The following RNF126 variants were observed in gnomAD, a reference collection of about 807,000 sequenced individuals.
RNF126 encodes ring finger protein 126, also known as E3 ubiquitin-protein ligase RNF126.
Under a neutral mutation model 41.9 loss-of-function variants are expected in RNF126, and 20 were observed. The observed-to-expected ratio is 0.48, with a 90% CI of 0.34 to 0.69. RNF126 has a LOEUF of 0.69. Among genes scored for constraint, RNF126 ranks in the 30% least tolerant of loss-of-function variants. The probability of loss-of-function intolerance (pLI) is 0.01; values close to 1 mark genes in which losing one functional copy is unlikely to be tolerated. For synonymous variants in RNF126, 239 were observed against 202.9 expected (o/e 1.18, Z -1.51); for missense variants, 433 against 460.6 (o/e 0.94, Z 0.55).
rs777555199 is a variant in RNF126 at position 651,608 on chromosome 19, C to T, written c.443+3G>A. The T allele has an allele frequency of 2.8e-6, 4 of 1,423,622 alleles. No homozygotes were observed. The highest frequency in any genetic ancestry group is 5.4e-5 in the East Asian group (2 of 36,822). 88.2% of individuals were successfully genotyped at this position (1,423,622 alleles called of 1,614,324 possible). Reference sequence around the variant, plus strand: ...CTCGCGGCCACCCCCGGGGCCCCCTCACCCTTCCAGCGTGGGGACGCCTTC... The same window carrying T: ...CTCGCGGCCACCCCCGGGGCCCCCTTACCCTTCCAGCGTGGGGACGCCTTC... On this transcript the variant is annotated splice_donor_region_variant and intron_variant, in intron 4 of 8. Transcript: ENST00000292363.
intron 4 of RNF126, 151 bp downstream of exon 4, chr19:651,460 T>G: frequency 1.4e-6 from 1 of 690,970 alleles, no homozygotes. Context: ...GTGTGGGGAG[T>G]CACAGGGGGC....
chr19:650,793 A>C (rs887578147), intron 4 of RNF126, among the ~76,000 whole-genome samples: 6 of 151,716 alleles, frequency 4.0e-5, no homozygotes, highest in Admixed American at 3.3e-4. Context: ...GAGTTTCATC[A>C]TATTGGTCAG....
intron 1 of RNF126, among the ~76,000 whole-genome samples, chr19:662,705 G>C (rs1227289450): frequency 6.6e-6 from 1 of 152,096 alleles, no homozygotes; most frequent in Non-Finnish European, 1.5e-5. Flanking sequence ...TGCAAAACCA[G>C]GCTCACCGGG....
chr19:659,947 T>C lies in RNF126; in HGVS notation c.75+3100A>G, dbSNP rs961243110. ...CCTGGCCAATCTTTTGTATTTTTAG[T>C]AGGGATGGGGTTTTACCATGTTAGC... On this transcript the variant is annotated intron_variant, in intron 1 of 8. Coordinates refer to ENST00000292363, the MANE Select transcript of RNF126 (RefSeq NM_194460.3). The surrounding 1 kb of genome is among the most constrained non-coding windows in gnomAD (Gnocchi z 4.9). Among the ~76,000 whole-genome samples the C allele has an allele frequency of 6.6e-6, 1 of 152,086 alleles. No homozygotes were observed. Among genetic ancestry groups the C allele is most frequent in the Non-Finnish European group, 1.5e-5 (1 of 68,004 alleles).
intron 2 of RNF126, 176 bp downstream of exon 2, chr19:652,650 A>G (rs1034544443): frequency 7.8e-6 from 5 of 639,392 alleles, no homozygotes; most frequent in Admixed American, 2.9e-5. Context: ...CGGCCCGGCC[A>G]TCACAGAAGA....
intron 4 of RNF126, 122 bp from the exon 5 acceptor site, chr19:650,418 AT>A: frequency 1.3e-6 from 1 of 784,680 alleles, no homozygotes; most frequent in Non-Finnish European, 2.0e-6. Context: ...ATTAGCTTCT[AT>A]TTATTTATTT....
chr19:650,319 C>T (rs373118509), intron 4 of RNF126, 23 bp from the exon 5 acceptor site: 70 of 1,565,366 alleles, frequency 4.5e-5, no homozygotes, highest in African/African-American at 1.2e-4. Context: ...GCGCCAGTCA[C>T]GGGGTGAGGC....
rs775725270 is a variant in RNF126 at position 651,739 on chromosome 19, G to A, written c.315C>T (p.Gly105=). The A allele has an allele frequency of 1.2e-6, 2 of 1,612,306 alleles. No individual in the cohort carries two copies. Among genetic ancestry groups the A allele is most frequent in the East Asian group, 2.2e-5 (1 of 44,824 alleles). The change falls in exon 4 of 9, where the codon GGC becomes GGT. Residue 105 remains glycine, a synonymous_variant. Coordinates refer to ENST00000292363, the MANE Select transcript of RNF126 (RefSeq NM_194460.3). The stretch of plus-strand genomic sequence containing the variant: ...TCTCCCGCCGGCTCTCAGGGTCCCT[G>A]CCGTCGTCAGCCTGCGCCCCAGGAG... ...TFPPGAQADD[G]RDPESRRERD... is the part of the protein sequence containing the mutation.
At chr19:658,115 T>C (rs1400382858) in intron 1 of RNF126, among the ~76,000 whole-genome samples, 3 of 151,542 alleles carry the variant, frequency 2.0e-5, no homozygotes, top group African/African-American at 7.3e-5. Flanking sequence ...ATGCAGGAGG[T>C]ACGATCACCC....
At position 652,258 on chromosome 19, in the gene RNF126, G is replaced by C. The variant is rs904816485; in HGVS notation, c.173C>G (p.Thr58Arg). The C allele has an allele frequency of 2.4e-5, 37 of 1,550,146 alleles. No homozygotes were observed. The highest frequency in any genetic ancestry group is 3.1e-5 in the Non-Finnish European group (36 of 1,158,084). Reference sequence around the variant, plus strand: ...CTCCAACGGTGGCCGGCTCTGGTCTGTGGGAGCTGTGGAGGGGGCAGAACC... The same window carrying C: ...CTCCAACGGTGGCCGGCTCTGGTCTCTGGGAGCTGTGGAGGGGGCAGAACC... ...ENGSAPSTAP[T>R]DQSRPPLEHV... The change falls in exon 3 of 9, where the codon ACA becomes AGA. Residue 58 changes from threonine to arginine, a missense_variant. This residue lies in a region of RNF126 where 247 missense variants were observed against 224.7 expected (regional missense o/e 1.10). Coordinates refer to ENST00000292363, the MANE Select transcript of RNF126 (RefSeq NM_194460.3).
At chr19:654,499 C>T (rs144653786) in intron 1 of RNF126, among the ~76,000 whole-genome samples, 1,832 of 150,476 alleles carry the variant, frequency 0.012, 21 homozygotes, top group Non-Finnish European at 0.018. Context: ...AAAAATTAGC[C>T]GGGTGTGGTG....
Position 648,359 on chromosome 19 carries a change from G to GC in RNF126, c.786+12dup. On this transcript the variant is annotated intron_variant, in intron 8 of 8. Transcript: ENST00000292363. ...GCGGTCGGGGTGGGGGGGCGGGTGGGCGGGGCACTCACCTGCTCCAGCCAG... is the reference window on the plus strand; with the variant it reads ...GCGGTCGGGGTGGGGGGGCGGGTGGGCCGGGGCACTCACCTGCTCCAGCCAG... 1 of 1,138,754 alleles carries GC rather than the reference G, an allele frequency of 8.8e-7. No homozygotes were observed. Among genetic ancestry groups the GC allele is most frequent in the Non-Finnish European group, 1.2e-6 (1 of 814,692 alleles). The allele number at this position is 1,138,754 out of a possible 1,614,324, so 70.5% of individuals were successfully genotyped here. A position where few individuals can be genotyped will look rare whatever the true frequency, so the allele number is the denominator to read the frequency against.
chr19:652,615 G>A, intron 2 of RNF126: 1 of 612,924 alleles, frequency 1.6e-6, no homozygotes, highest in Non-Finnish European at 2.9e-6. Context: ...CGGCTGCACA[G>A]GTTGCCGGCA....
intron 1 of RNF126, among the ~76,000 whole-genome samples, chr19:658,768 C>T (rs575148120): frequency 1.5e-3 from 222 of 152,250 alleles, no homozygotes; most frequent in African/African-American, 5.2e-3. Context: ...GTGCCTCGGC[C>T]CAGGCCCCGA....
At chr19:657,615 C>T (rs1488130122) in intron 1 of RNF126, among the ~76,000 whole-genome samples, 1 of 152,236 alleles carries the variant, frequency 6.6e-6, no homozygotes, top group African/African-American at 2.4e-5. Flanking sequence ...CTGCTCCAAG[C>T]CTCTGCCCTG....
intron 5 of RNF126, 21 bp from the exon 6 acceptor site, chr19:649,769 T>C (rs2030180770): frequency 6.4e-7 from 1 of 1,552,818 alleles, no homozygotes; most frequent in Non-Finnish European, 8.7e-7. Flanking sequence ...AAGGTGGGGT[T>C]CAAGTGGCTG....
At chr19:663,022 C>G in intron 1 of RNF126, 25 bp downstream of exon 1, 3 of 1,300,134 alleles carry the variant, frequency 2.3e-6, no homozygotes, top group Non-Finnish European at 3.0e-6. Flanking sequence ...GACCCTGCCG[C>G]CCGCCGCCCC....
At position 663,132 on chromosome 19, in the gene RNF126, A is replaced by C. The variant is rs2030883960; in HGVS notation, c.-11T>G. The C allele has an allele frequency of 2.4e-6, 3 of 1,231,160 alleles. No individual in the cohort carries two copies. Among genetic ancestry groups the C allele is most frequent in the South Asian group, 2.7e-5 (1 of 37,580 alleles). 76.3% of individuals were successfully genotyped at this position (1,231,160 alleles called of 1,614,324 possible). The stretch of plus-strand genomic sequence containing the variant: ...CGACGCCTCGGCCATGGCCGCCGCC[A>C]CCTACTCCGCGCCGCCCGCCCCCCG... On this transcript the variant is annotated 5_prime_UTR_variant, in exon 1 of 9. Coordinates refer to ENST00000292363, the MANE Select transcript of RNF126 (RefSeq NM_194460.3).
At chr19:662,151 C>T (rs931296047) in intron 1 of RNF126, among the ~76,000 whole-genome samples, 1 of 152,156 alleles carries the variant, frequency 6.6e-6, no homozygotes, top group Non-Finnish European at 1.5e-5. Flanking sequence ...AGACCCCATT[C>T]CTAAAAATAA....
Sources: allele counts gnomAD v4.1 joint callset (sites outside exome capture counted in the v4.1 genomes callset), GRCh38; gene constraint gnomAD v4.1.1; regional missense constraint gnomAD v4.1.1; non-coding constraint Gnocchi (gnomAD v3.1); transcripts MANE v1.5; gene names NCBI Gene and HGNC (gene_info 2026-07-23, HGNC 2026-07-21).